STOX2: variants seen among roughly 807,000 people sequenced by gnomAD.
STOX2 encodes the protein storkhead box 2, also known as storkhead-box protein 2.
In STOX2, 28 loss-of-function variants were observed where a neutral mutation model predicts 60.9. The observed-to-expected ratio is 0.46, with a 90% confidence interval of 0.34 to 0.63. STOX2 has a LOEUF of 0.63. Among genes scored for constraint, STOX2 ranks in the 30% least tolerant of loss-of-function variants. The pLI is 0.01. For missense variants in STOX2, 1,024 were observed against 1,187.7 expected, an observed-to-expected ratio of 0.86 and a Z score of 2.03; for synonymous variants, 472 against 463.9, an observed-to-expected ratio of 1.02 and a Z score of -0.22.
chr4:184,001,332 A>G lies in STOX2; in HGVS notation c.174A>G (p.Val58=), dbSNP rs757468166. Residue 58 remains valine (V), a synonymous_variant, in exon 2 of 4, where the codon GTA becomes GTG. Transcript: ENST00000308497. The surrounding 1 kb of genome is among the most constrained non-coding windows in gnomAD (Gnocchi z 4.2). ...ASRGYMTSGD[V]SPISMSPISQ... ...AAAATTGTCTTTCTGCAGGTGATGT[A>G]TCACCCATCAGTATGTCTCCCATCA... is the stretch of plus-strand genomic sequence containing the variant. The G allele has an allele frequency of 4.3e-6, 7 of 1,613,672 alleles. No individual in the cohort carries two copies. Among genetic ancestry groups the G allele is most frequent in the African/African-American group, 1.3e-5 (1 of 74,892 alleles).
At chr4:183,907,420 A>G (rs1404528545) in intron 1 of STOX2, among the ~76,000 whole-genome samples, 2 of 152,188 alleles carry the variant, frequency 1.3e-5, no homozygotes, top group African/African-American at 2.4e-5. Flanking sequence ...AGTCCTGCAG[A>G]CATCCCAGGC....
intron 1 of STOX2, among the ~76,000 whole-genome samples, chr4:183,940,178 C>T (rs993121768): frequency 2.6e-5 from 4 of 152,214 alleles, no homozygotes; most frequent in Non-Finnish European, 5.9e-5. Context: ...GCTGGGATTA[C>T]AGGCGTGAGC....
intron 1 of STOX2, among the ~76,000 whole-genome samples, chr4:183,958,041 T>G (rs1445465195): frequency 1.3e-5 from 2 of 151,858 alleles, no homozygotes; most frequent in African/African-American, 4.8e-5. Flanking sequence ...GCACCCTGGT[T>G]TCTTTCAGGG....
intron 1 of STOX2, among the ~76,000 whole-genome samples, chr4:183,866,966 C>A (rs17075107): frequency 0.032 from 4,938 of 152,278 alleles, 270 homozygotes; most frequent in African/African-American, 0.11. Flanking sequence ...AATTTACCCT[C>A]ACATTTGATA....
At position 183,990,578 on chromosome 4, in the gene STOX2, ATTTTTTTTTTTTTTTTTTTTTT is replaced by A. The variant is rs57369052; in HGVS notation, c.167-10731_167-10710del. Among the ~76,000 whole-genome samples, 132 of 82,482 alleles carry A rather than the reference ATTTTTTTTTTTTTTTTTTTTTT, an allele frequency of 1.6e-3. 1 individual carries two copies. Among genetic ancestry groups the A allele is most frequent in the Middle Eastern group, 0.014 (2 of 146 alleles). 54.1% of individuals were successfully genotyped at this position (82,482 alleles called of 152,430 possible). ...GAAGAGGGGCAGTTTAAAAAGCAGG[ATTTTTTTTTTTTTTTTTTTTTT>A]TTTTTTTTTTTTTTTGGTCATAGAG... On this transcript the variant is annotated intron_variant, in intron 1 of 3. Coordinates refer to ENST00000308497, the MANE Select transcript of STOX2 (RefSeq NM_020225.3).
rs146789034 is a variant in STOX2, at chr4:184,005,321, C to T, written c.320-3837C>T. Among the ~76,000 whole-genome samples, 1,115 of 151,964 alleles carry T rather than the reference C, an allele frequency of 7.3e-3. 9 individuals are homozygous for T. Among genetic ancestry groups the T allele is most frequent in the African/African-American group, 0.026 (1,073 of 41,422 alleles). ...CTAAAAAATACAAAAATTAGCTGGG[C>T]GTGTGGCACGCACCTGTAATCCCAG... On this transcript the variant is annotated intron_variant, in intron 2 of 3. Transcript: ENST00000308497.
chr4:184,005,674 G>A (rs551525554), intron 2 of STOX2, among the ~76,000 whole-genome samples: 3 of 152,096 alleles, frequency 2.0e-5, no homozygotes, highest in Admixed American at 6.5e-5. Flanking sequence ...ATATGCAAAC[G>A]TTAAACATCC....
At chr4:184,007,788 C>T (rs1733937083) in intron 2 of STOX2, among the ~76,000 whole-genome samples, 1 of 152,214 alleles carries the variant, frequency 6.6e-6, no homozygotes, top group African/African-American at 2.4e-5. Context: ...CTCACACTGT[C>T]TTCCCTCTGT....
chr4:183,841,607 T>C (rs1186604008), intron 1 of STOX2, among the ~76,000 whole-genome samples: 1 of 152,182 alleles, frequency 6.6e-6, no homozygotes, highest in African/African-American at 2.4e-5. Flanking sequence ...ATGAGGTTCA[T>C]TTGTAAGTTG....
chr4:183,974,162 G>A lies in STOX2; in HGVS notation c.167-27163G>A, dbSNP rs192816247. Among the ~76,000 whole-genome samples the A allele has an allele frequency of 2.0e-3, 309 of 152,256 alleles. 1 individual carries two copies. Among genetic ancestry groups the A allele is most frequent in the African/African-American group, 6.8e-3 (282 of 41,554 alleles). ...AGTAGTAAAATATTAATTCTAAGTA[G>A]ACTGTGAAAAGTTAAGTATATATAT... On this transcript the variant is annotated intron_variant, in intron 1 of 3. Coordinates refer to ENST00000308497, the MANE Select transcript of STOX2 (RefSeq NM_020225.3).
rs1739293554 is a variant in STOX2, at chr4:183,821,090, A to C, written c.364+23035A>C. ...CCACTGTACTCCAGCCTCTGGCAAC[A>C]GAGTGAGACCCTGTCTCAAAGAAAA... On this transcript the variant is annotated intron_variant, in intron 1 of 2. Transcript: ENST00000513034. The surrounding 1 kb of genome is among the most constrained non-coding windows in gnomAD (Gnocchi z 4.2). 6.6e-6 allele frequency among the ~76,000 whole-genome samples: 1 copy of C among 152,234 alleles called. No individual in the cohort carries two copies. Among genetic ancestry groups the C allele is most frequent in the African/African-American group, 2.4e-5 (1 of 41,458 alleles).
Position 184,010,370 on chromosome 4 carries a change from A to T in STOX2, c.1532A>T (p.Asp511Val). 1 of 1,612,810 alleles carries T rather than the reference A, an allele frequency of 6.2e-7. No individual in the cohort carries two copies. The change falls in exon 3 of 4, where the codon GAC becomes GTC. Residue 511 changes from aspartate to valine, a missense_variant. Asp to Val is a radical substitution (Grantham distance 152). Transcript: ENST00000308497. This position sits in a 1 kb window ranked among gnomAD's most constrained non-coding sequence, Gnocchi z 4.5. ...GCTTCTTCTCTAGGGACGCCGGAAG[A>T]CCTTGCTGAAGGCTGCAGCCAAGAC... ...LGASSLGTPEDLAEGCSQDDQ... is the reference protein window; with the variant it reads ...LGASSLGTPEVLAEGCSQDDQ...
At chr4:183,943,483 C>T (rs2111132423) in intron 1 of STOX2, among the ~76,000 whole-genome samples, 1 of 152,174 alleles carries the variant, frequency 6.6e-6, no homozygotes, top group East Asian at 1.9e-4. Context: ...TTTTAGGATA[C>T]TGTTCTGCTA....
chr4:183,823,900 G>A (rs1739361849), intron 1 of STOX2, among the ~76,000 whole-genome samples: 1 of 148,984 alleles, frequency 6.7e-6, no homozygotes, highest in South Asian at 2.1e-4. Context: ...ATAATGTACA[G>A]CATACGTTAA....
chr4:183,888,377 G>A (rs532848606), intron 1 of STOX2, among the ~76,000 whole-genome samples: 30 of 152,206 alleles, frequency 2.0e-4, no homozygotes, highest in African/African-American at 6.5e-4. Context: ...TTTTACAGCC[G>A]GGGAAACTGA....
chr4:183,977,147 A>G (rs182324213), intron 1 of STOX2, among the ~76,000 whole-genome samples: 11 of 152,304 alleles, frequency 7.2e-5, no homozygotes, highest in African/African-American at 2.6e-4. Context: ...AACAGTGTAC[A>G]TTGTACCCAA....
chr4:183,981,555 C>T (rs760860189), intron 1 of STOX2, among the ~76,000 whole-genome samples: 7 of 152,092 alleles, frequency 4.6e-5, no homozygotes, highest in Non-Finnish European at 1.0e-4. Context: ...GCTGTCTCAT[C>T]GTTTTCTTAT....
chr4:183,970,176 GT>G (rs1743701097), intron 1 of STOX2, among the ~76,000 whole-genome samples: 1 of 140,794 alleles, frequency 7.1e-6, no homozygotes, highest in African/African-American at 2.6e-5. Context: ...GTGTGTGTGT[GT>G]GTGTGGGGTT....
chr4:183,974,774 C>A (rs1411725401), intron 1 of STOX2, among the ~76,000 whole-genome samples: 3 of 152,052 alleles, frequency 2.0e-5, no homozygotes, highest in Admixed American at 6.6e-5. Context: ...ACAGCTCCCC[C>A]AATAATTGCA....
Sources: allele counts gnomAD v4.1 joint callset (sites outside exome capture counted in the v4.1 genomes callset), GRCh38; gene constraint gnomAD v4.1.1; non-coding constraint Gnocchi (gnomAD v3.1); transcripts MANE v1.5; gene names NCBI Gene and HGNC (gene_info 2026-07-23, HGNC 2026-07-21).